Variants in LYZL1 observed in about 807,000 individuals in gnomAD.
The protein encoded by LYZL1 is lysozyme-like protein 1.
A neutral mutation model predicts 17.9 loss-of-function variants in LYZL1; 16 were observed. That is an observed-to-expected ratio of 0.90 (90% CI 0.61 to 1.36). The LOEUF (loss-of-function observed/expected upper bound fraction) is 1.36, where lower values mean the gene tolerates loss of function less well. Ranked by LOEUF, LYZL1 falls within the 40% of genes most tolerant of loss-of-function variation. The probability of loss-of-function intolerance (pLI) is 0.00; values close to 1 mark genes in which losing one functional copy is unlikely to be tolerated. For synonymous variants in LYZL1, 58 were observed against 71.8 expected (o/e 0.81, Z 0.97); for missense variants, 149 against 188.4 (o/e 0.79, Z 1.22).
chr10:29,289,421 T>C (rs12763122), intron 1 of LYZL1, among the ~76,000 whole-genome samples, 191 bp downstream of exon 1: 1 of 147,928 alleles, frequency 6.8e-6, no homozygotes, highest in African/African-American at 2.5e-5. Flanking sequence ...TCTTTTCTTT[T>C]TTTTTTTTTT....
intron 3 of LYZL1, among the ~76,000 whole-genome samples, chr10:29,299,560 G>A (rs935364652): frequency 2.6e-5 from 4 of 152,044 alleles, no homozygotes; most frequent in African/African-American, 9.7e-5. Context: ...TTTTAGTTTT[G>A]TCTATTTCTC....
intron 3 of LYZL1, among the ~76,000 whole-genome samples, chr10:29,293,673 G>A (rs780507433): frequency 7.2e-5 from 11 of 152,048 alleles, no homozygotes; most frequent in African/African-American, 1.2e-4. Context: ...GAAAGTGACA[G>A]TATTAAGAAA....
At chr10:29,300,584 A>G (rs1472588695) in intron 3 of LYZL1, among the ~76,000 whole-genome samples, 2 of 152,164 alleles carry the variant, frequency 1.3e-5, no homozygotes, top group Non-Finnish European at 1.5e-5. Context: ...ACTATTTCCA[A>G]TACTCTTCAT....
At chr10:29,312,142 T>G (rs78429739), downstream of LYZL1, among the ~76,000 whole-genome samples, 109 of 152,210 alleles carry the variant, frequency 7.2e-4, no homozygotes, top group East Asian at 0.019. Flanking sequence ...TCTACAGCAT[T>G]TTTTTTGTTT....
chr10:29,312,925 CAAGT>C (rs1835690040), downstream of LYZL1, among the ~76,000 whole-genome samples: 1 of 152,174 alleles, frequency 6.6e-6, no homozygotes, highest in South Asian at 2.1e-4. Flanking sequence ...GTTATGCCAA[CAAGT>C]AAGTTTCCCA....
At chr10:29,312,893 A>G (rs906744845), downstream of LYZL1, among the ~76,000 whole-genome samples, 3 of 152,188 alleles carry the variant, frequency 2.0e-5, no homozygotes, top group African/African-American at 4.8e-5. Context: ...AATGCCTTCA[A>G]TTGATGTTTG....
intron 2 of LYZL1, among the ~76,000 whole-genome samples, chr10:29,292,288 T>C (rs564306100): frequency 6.6e-6 from 1 of 151,428 alleles, no homozygotes; most frequent in East Asian, 2.0e-4. Flanking sequence ...GGGACCTGAC[T>C]GTTGGTCTAG....
At chr10:29,310,889 G>A in intron 4 of LYZL1, 101 bp from the exon 5 acceptor site, 4 of 1,581,798 alleles carry the variant, frequency 2.5e-6, no homozygotes, top group Non-Finnish European at 3.5e-6. Flanking sequence ...CCAACCCAGG[G>A]TTCCGCTGGC....
At chr10:29,298,882 G>T (rs1445136063) in intron 3 of LYZL1, among the ~76,000 whole-genome samples, 6 of 152,094 alleles carry the variant, frequency 3.9e-5, no homozygotes, top group African/African-American at 1.4e-4. Context: ...GATGATTCAA[G>T]CGCATTACAC....
In LYZL1 at chr10:29,292,651, A is replaced by G. The variant is rs757640575; in HGVS notation, c.272A>G (p.Asn91Ser). 50 of 1,614,040 alleles carry G rather than the reference A, an allele frequency of 3.1e-5. No homozygotes were observed. Among genetic ancestry groups the G allele is most frequent in the Non-Finnish European group, 3.9e-5 (46 of 1,179,986 alleles). ...TGCAGACGCGGAAAGCTGAAGGAGAACAACCACTGCCATGTCGCCTGCTCA... is the reference window on the plus strand; with the variant it reads ...TGCAGACGCGGAAAGCTGAAGGAGAGCAACCACTGCCATGTCGCCTGCTCA... ...AWCRRGKLKE[N>S]NHCHVACSAL... Residue 91 changes from asparagine (N) to serine (S), a missense_variant, in exon 3 of 5, where the codon AAC becomes AGC. Coordinates refer to ENST00000649382, the MANE Select transcript of LYZL1 (RefSeq NM_032517.6).
intron 3 of LYZL1, among the ~76,000 whole-genome samples, chr10:29,298,473 G>A (rs566333125): frequency 3.9e-5 from 6 of 152,220 alleles, no homozygotes; most frequent in Admixed American, 6.5e-5. Flanking sequence ...GACCATTGAC[G>A]GCAACTGTGT....
At chr10:29,306,445 G>A (rs1185187130) in intron 3 of LYZL1, among the ~76,000 whole-genome samples, 1 of 143,110 alleles carries the variant, frequency 7.0e-6, no homozygotes, top group Non-Finnish European at 1.5e-5. Flanking sequence ...AGCTACTCGG[G>A]AGGCTGAGGC....
chr10:29,318,283 C>T (rs1835753517), exon 5 of LYZL1: 1 of 666,914 alleles, frequency 1.5e-6, no homozygotes, highest in South Asian at 6.8e-5. Context: ...TCTATACTTG[C>T]CTTGAGAAAG....
rs143944075 is a variant in LYZL1, at chr10:29,289,769, G to A, written c.-26+539G>A. On this transcript the variant is annotated intron_variant, in intron 1 of 4. Coordinates refer to ENST00000649382, the MANE Select transcript of LYZL1 (RefSeq NM_032517.6). ...TGTCTGTCCCTCACAGCTTAACACA[G>A]TGCTGTACACAGCGGACTGGCATGC... Among the ~76,000 whole-genome samples the A allele has an allele frequency of 9.4e-3, 1,435 of 152,208 alleles. 19 individuals are homozygous for A. Among genetic ancestry groups the A allele is most frequent in the African/African-American group, 0.033 (1,351 of 41,526 alleles).
chr10:29,309,211 T>A (rs534217269), intron 3 of LYZL1, among the ~76,000 whole-genome samples: 27 of 151,124 alleles, frequency 1.8e-4, no homozygotes, highest in African/African-American at 6.3e-4. Flanking sequence ...CACCTGTAAT[T>A]CCAGCTACTG....
chr10:29,310,910 A>C, intron 4 of LYZL1, 80 bp from the exon 5 acceptor site: 1 of 1,607,974 alleles, frequency 6.2e-7, no homozygotes, highest in South Asian at 1.1e-5. Context: ...GATTTTGGTT[A>C]ATTTCTGTAG....
intron 3 of LYZL1, among the ~76,000 whole-genome samples, chr10:29,303,654 G>C (rs575069251): frequency 5.9e-5 from 9 of 152,266 alleles, no homozygotes; most frequent in African/African-American, 2.2e-4. Context: ...ACTCATATCT[G>C]TTTTCTTATC....
At chr10:29,295,873 G>A (rs1012767304) in intron 3 of LYZL1, among the ~76,000 whole-genome samples, 2 of 152,148 alleles carry the variant, frequency 1.3e-5, no homozygotes, top group African/African-American at 4.8e-5. Flanking sequence ...TGGCCCTCAG[G>A]TGACAACCTG....
downstream of LYZL1, among the ~76,000 whole-genome samples, chr10:29,313,055 C>G (rs571012410): frequency 2.0e-4 from 30 of 152,086 alleles, no homozygotes; most frequent in Admixed American, 1.6e-3. Flanking sequence ...TCCTTTCCTG[C>G]CCACCGGCTT....
Sources: allele counts gnomAD v4.1 joint callset (sites outside exome capture counted in the v4.1 genomes callset), GRCh38; gene constraint gnomAD v4.1.1; transcripts MANE v1.5; gene names NCBI Gene and HGNC (gene_info 2026-07-23, HGNC 2026-07-21).